GRIK4: variants seen among roughly 807,000 people sequenced by gnomAD.
GRIK4 encodes the protein glutamate receptor ionotropic, kainate 4.
Under a neutral mutation model 104.9 loss-of-function variants are expected in GRIK4, and 40 were observed. The observed-to-expected ratio is 0.38, with a 90% CI of 0.30 to 0.50. GRIK4 has a LOEUF of 0.50. Ranked by LOEUF, GRIK4 falls within the 20% of genes least tolerant of loss-of-function variation. The pLI is 0.93. For missense variants in GRIK4, 1,047 were observed against 1,308.1 expected (o/e 0.80, Z 3.08); for synonymous variants, 485 against 524.9 (o/e 0.92, Z 1.04).
At chr11:120,874,656 G>C (rs982794341) in intron 10 of GRIK4, among the ~76,000 whole-genome samples, 3 of 152,144 alleles carry the variant, frequency 2.0e-5, no homozygotes, top group Admixed American at 2.0e-4. Context: ...TGCTTCCTCT[G>C]GTGGGTGAAT....
chr11:120,729,335 T>C (rs116913966), intron 3 of GRIK4, among the ~76,000 whole-genome samples: 5,355 of 152,308 alleles, frequency 0.035, 123 homozygotes, highest in East Asian at 0.093. Context: ...GGAATTTCCA[T>C]ACTGTTCTCC....
In GRIK4 at chr11:120,902,339, G is replaced by T. The variant is rs929752570; in HGVS notation, c.1273-2951G>T. On this transcript the variant is annotated intron_variant, in intron 12 of 20. Transcript: ENST00000527524. The surrounding 1 kb of genome is among the most constrained non-coding windows in gnomAD (Gnocchi z 4.5). Reference sequence around the variant, plus strand: ...TCAACACCCCAGCATTCTCCAAGGTGCCAGTGAGCCCTAACCATCCCCATC... The same window carrying T: ...TCAACACCCCAGCATTCTCCAAGGTTCCAGTGAGCCCTAACCATCCCCATC... 6.6e-6 allele frequency among the ~76,000 whole-genome samples: 1 copy of T among 152,120 alleles called. No individual in the cohort carries two copies. Among genetic ancestry groups the T allele is most frequent in the African/African-American group, 2.4e-5 (1 of 41,430 alleles).
At chr11:120,797,969 T>C (rs1487309286) in intron 3 of GRIK4, among the ~76,000 whole-genome samples, 4 of 152,154 alleles carry the variant, frequency 2.6e-5, no homozygotes, top group Non-Finnish European at 5.9e-5. Flanking sequence ...CAGGCTGCCA[T>C]AGCAAAATAC....
intron 1 of GRIK4, among the ~76,000 whole-genome samples, chr11:120,526,763 C>T (rs1039254806): frequency 4.6e-5 from 7 of 152,088 alleles, no homozygotes; most frequent in African/African-American, 1.7e-4. Flanking sequence ...ACCTGGAAGG[C>T]GGAGGTTGCA....
At position 120,939,983 on chromosome 11, in the gene GRIK4, A is replaced by G. The variant is rs958559655; in HGVS notation, c.1477-364A>G. Among the ~76,000 whole-genome samples the G allele has an allele frequency of 1.4e-5, 2 of 138,624 alleles. No individual in the cohort carries two copies. The highest frequency in any genetic ancestry group is 2.2e-4 in the South Asian group (1 of 4,564). 90.9% of individuals were successfully genotyped at this position (138,624 alleles called of 152,430 possible). On this transcript the variant is annotated intron_variant, in intron 13 of 20. Coordinates refer to ENST00000527524, the MANE Select transcript of GRIK4 (RefSeq NM_014619.5). This position sits in a 1 kb window ranked among gnomAD's most constrained non-coding sequence, Gnocchi z 5.6. The stretch of plus-strand genomic sequence containing the variant: ...CGACAGAGGGAGACCCTGTATCCAG[A>G]AAAAAAAAAAAAAGTATTGAGAATG...
Position 120,962,555 on chromosome 11 carries a change from T to C in GRIK4, c.2140T>C (p.Leu714=). Residue 714 remains leucine (L), a synonymous_variant, in exon 18 of 21, where the codon TTG becomes CTG. Transcript: ENST00000527524. ...KSTEEGIARV[L]NSNYAFLLES... ...CACAGAGGAGGGAATCGCCAGGGTG[T>C]TGAATTCCAACTACGCCTTCCTCCT... 1 of 1,613,968 alleles carries C rather than the reference T, an allele frequency of 6.2e-7. No homozygotes were observed. Among genetic ancestry groups the C allele is most frequent in the Non-Finnish European group, 8.5e-7 (1 of 1,179,842 alleles).
chr11:120,650,475 G>C (rs1254280282), intron 1 of GRIK4, among the ~76,000 whole-genome samples: 2 of 152,148 alleles, frequency 1.3e-5, no homozygotes, highest in Non-Finnish European at 2.9e-5. Context: ...CTCCATCCTG[G>C]TCTCTTCCCT....
At chr11:120,918,456 C>A (rs917212319) in intron 13 of GRIK4, among the ~76,000 whole-genome samples, 4 of 152,356 alleles carry the variant, frequency 2.6e-5, no homozygotes, top group Non-Finnish European at 5.9e-5. Context: ...ATAGAGTTCA[C>A]ATCCTGTATA....
At chr11:120,924,042 T>G (rs967001955) in intron 13 of GRIK4, among the ~76,000 whole-genome samples, 10 of 152,178 alleles carry the variant, frequency 6.6e-5, no homozygotes, top group African/African-American at 2.4e-4. Flanking sequence ...GAGGCAAGTC[T>G]TCCCCCTGGG....
At chr11:120,856,378 G>A (rs909099040) in intron 8 of GRIK4, among the ~76,000 whole-genome samples, 11 of 152,180 alleles carry the variant, frequency 7.2e-5, no homozygotes, top group African/African-American at 2.7e-4. Context: ...ATGGCACCTG[G>A]GAATTGAACA....
rs538470695 is a variant in GRIK4, at chr11:120,604,103, C to T, written c.-158-49582C>T. 1.7e-4 allele frequency among the ~76,000 whole-genome samples: 23 copies of T among 138,998 alleles called. No individual in the cohort carries two copies. The East Asian group carries it at 4.5e-3, about 27-fold the overall frequency. The allele number at this position is 138,998 out of a possible 152,430, so 91.2% of individuals were successfully genotyped here. A position where few individuals can be genotyped will look rare whatever the true frequency, so the allele number is the denominator to read the frequency against. On this transcript the variant is annotated intron_variant, in intron 1 of 20. Transcript: ENST00000527524. ...AGGAGAATGGCATGAACCCAGGAGG[C>T]GAAGCTTGCAGTGAGCCGAGATCGC...
intron 8 of GRIK4, among the ~76,000 whole-genome samples, chr11:120,842,156 G>A (rs1270067622): frequency 6.6e-6 from 1 of 152,166 alleles, no homozygotes; most frequent in East Asian, 1.9e-4. Flanking sequence ...TAAACCCCCA[G>A]ATCTCATCGT....
intron 13 of GRIK4, among the ~76,000 whole-genome samples, chr11:120,911,806 T>C (rs1943003940): frequency 6.9e-6 from 1 of 144,220 alleles, no homozygotes; most frequent in African/African-American, 2.6e-5. Flanking sequence ...CGTGTGCCAT[T>C]GCATTCCAGC....
At chr11:120,655,969 A>T (rs930578741) in intron 2 of GRIK4, among the ~76,000 whole-genome samples, 3 of 152,126 alleles carry the variant, frequency 2.0e-5, no homozygotes, top group Admixed American at 6.5e-5. Context: ...TGAGCTGTAG[A>T]TGTCAATGCC....
At chr11:120,615,680 C>T (rs576214212) in intron 1 of GRIK4, among the ~76,000 whole-genome samples, 6 of 152,334 alleles carry the variant, frequency 3.9e-5, no homozygotes, top group African/African-American at 1.4e-4. Context: ...ACTCTTCCTG[C>T]CCCTAGGGCC....
intron 3 of GRIK4, among the ~76,000 whole-genome samples, chr11:120,694,629 G>A (rs1476173916): frequency 2.6e-5 from 4 of 152,122 alleles, no homozygotes; most frequent in African/African-American, 4.8e-5. Flanking sequence ...GTCCCTGCCA[G>A]CTAGCGCCTA....
intron 3 of GRIK4, among the ~76,000 whole-genome samples, chr11:120,720,926 G>T (rs1197267073): frequency 2.6e-5 from 4 of 152,110 alleles, no homozygotes; most frequent in Non-Finnish European, 5.9e-5. Flanking sequence ...AGAGGGACAA[G>T]AAGTTAAAGA....
intron 12 of GRIK4, among the ~76,000 whole-genome samples, chr11:120,900,705 G>T (rs35850564): frequency 6.6e-6 from 1 of 152,204 alleles, no homozygotes; most frequent in South Asian, 2.1e-4. Context: ...AGGTGAGGAC[G>T]CAGCCAAGTA....
chr11:120,859,355 C>T (rs1007853115), intron 8 of GRIK4: 27 of 152,306 alleles, frequency 1.8e-4, no homozygotes, highest in Admixed American at 1.7e-3. Flanking sequence ...CAGAAGGTTA[C>T]AGACCTTGCC....
Sources: gnomAD v4.1 joint callset for allele counts (sites outside exome capture counted in the v4.1 genomes callset) on GRCh38, gnomAD v4.1.1 for gene constraint, Gnocchi (gnomAD v3.1) non-coding constraint, MANE v1.5 for transcripts, NCBI Gene and HGNC (gene_info 2026-07-23, HGNC 2026-07-21) for gene names.